The following SLC25A18 variants were observed in gnomAD, a reference collection of about 807,000 sequenced individuals.
SLC25A18 encodes the protein solute carrier family 25 member 18.
SLC25A18 carries 24 observed loss-of-function variants against 31.1 expected under a neutral mutation model. The ratio of observed to expected loss-of-function variants is 0.77; its 90% CI spans 0.56 to 1.08. The LOEUF (loss-of-function observed/expected upper bound fraction) is 1.08. Ranked by LOEUF, SLC25A18 falls within the 50% of genes least tolerant of loss-of-function variation. The pLI is 0.00. For synonymous variants in SLC25A18, 173 were observed against 161.9 expected (o/e 1.07, Z -0.52); for missense variants, 371 against 418.5 (o/e 0.89, Z 0.99).
Position 17,581,403 on chromosome 22 carries a change from C to T in SLC25A18, c.189C>T (p.Gly63=), listed in dbSNP as rs2057370117. 2.5e-6 allele frequency: 4 copies of T among 1,614,026 alleles called. No homozygotes were observed. The highest frequency in any genetic ancestry group is 3.4e-6 in the Non-Finnish European group (4 of 1,179,988). ...CGGCTCGGGCGGAGGGCTTCTTCGG[C>T]ATGTACCGAGGTGGGCTTCTCAGGT... is the stretch of plus-strand genomic sequence containing the variant. ...MKTARAEGFF[G]MYRGAAVNLT... is the part of the protein sequence containing the mutation. The change falls in exon 5 of 11, where the codon GGC becomes GGT. Residue 63 remains glycine, a synonymous_variant. Transcript: ENST00000327451.
chr22:17,573,203 C>T (rs769216180), intron 2 of SLC25A18, among the ~76,000 whole-genome samples: 15 of 152,152 alleles, frequency 9.9e-5, no homozygotes, highest in African/African-American at 3.6e-4. Context: ...AACAAAAAGT[C>T]ATGGATCATT....
chr22:17,565,903 G>C (rs1038718142), intron 1 of SLC25A18, among the ~76,000 whole-genome samples: 14 of 152,032 alleles, frequency 9.2e-5, no homozygotes, highest in African/African-American at 3.4e-4. Flanking sequence ...ATGTTTCCCA[G>C]GCTGGTCTCA....
chr22:17,584,781 CAAAAAA>C (rs66948770), intron 7 of SLC25A18, among the ~76,000 whole-genome samples: 2 of 20,058 alleles, frequency 1.0e-4, no homozygotes, highest in Admixed American at 6.6e-4. Flanking sequence ...GAATTCATCT[CAAAAAA>C]AAAAAAAAAA....
rs1205638244 is a variant in SLC25A18 at position 17,587,210 on chromosome 22, A to G, written c.484A>G (p.Arg162Gly). ...CACAACTGGTTCGGCTTCCACCCAC[A>G]GGCGCCCCTCTGCCACCCTCATTGC... The part of the protein sequence containing the change: ...SYTTGSASTH[R>G]RPSATLIAWE... Residue 162 changes from arginine (R) to glycine (G), a missense_variant, in exon 8 of 11, where the codon AGG becomes GGG. Physicochemically the swap from Arg to Gly is moderately radical, Grantham distance 125. Transcript: ENST00000327451. The G allele has an allele frequency of 3.1e-6, 5 of 1,613,876 alleles. No homozygotes were observed. Among genetic ancestry groups the G allele is most frequent in the Non-Finnish European group, 4.2e-6 (5 of 1,180,012 alleles).
In SLC25A18 at chr22:17,590,170, C is replaced by T. The variant is rs1569197470; in HGVS notation, c.882C>T (p.Leu294=). 1 of 1,614,238 alleles carries T rather than the reference C, an allele frequency of 6.2e-7. No individual in the cohort carries two copies. The highest frequency in any genetic ancestry group is 1.1e-5 in the South Asian group (1 of 91,078). Reference sequence around the variant, plus strand: ...GCCGGGCACTGGTCATAGCACCTCTCTTTGGGATTGCTCAAGGGGTCTATT... The same window carrying T: ...GCCGGGCACTGGTCATAGCACCTCTTTTTGGGATTGCTCAAGGGGTCTATT... The part of the protein sequence containing the change: ...AGCRALVIAP[L]FGIAQGVYFI... Residue 294 remains leucine (L), a synonymous_variant, in exon 11 of 11, where the codon CTC becomes CTT. Coordinates refer to ENST00000327451, the MANE Select transcript of SLC25A18 (RefSeq NM_031481.3).
intron 3 of SLC25A18, chr22:17,580,389 A>T (rs1000861491): frequency 2.8e-5 from 10 of 351,924 alleles, no homozygotes; most frequent in Non-Finnish European, 3.2e-5. Flanking sequence ...TTTGTTTTCT[A>T]TTTCCCGTCT....
Position 17,583,522 on chromosome 22 carries a change from G to C in SLC25A18, c.397G>C (p.Ala133Pro), listed in dbSNP as rs978839737. The C allele has an allele frequency of 6.2e-7, 1 of 1,613,764 alleles. No individual in the cohort carries two copies. ...MEMLKIQLQDAGRLAVHHQGS... is the reference protein window; with the variant it reads ...MEMLKIQLQDPGRLAVHHQGS... Reference sequence around the variant, plus strand: ...AATGCTCAAGATTCAGCTGCAGGATGCTGGACGCCTGGGTGAGGCCTGTCC... The same window carrying C: ...AATGCTCAAGATTCAGCTGCAGGATCCTGGACGCCTGGGTGAGGCCTGTCC... Residue 133 changes from alanine (A) to proline (P), a missense_variant, in exon 7 of 11, where the codon GCT (alanine) becomes CCT (proline). By Grantham distance (27) the Ala-to-Pro change is conservative. Transcript: ENST00000327451.
At chr22:17,589,541 C>T (rs962227187) in intron 9 of SLC25A18, 49 bp from the exon 10 acceptor site, 5 of 1,554,354 alleles carry the variant, frequency 3.2e-6, no homozygotes, top group Admixed American at 1.7e-5. Context: ...GAGGGGAGGA[C>T]ACCGAAAGTA....
intron 8 of SLC25A18, 181 bp from the exon 9 acceptor site, chr22:17,587,744 G>A: frequency 2.9e-6 from 2 of 686,832 alleles, no homozygotes; most frequent in South Asian, 1.9e-5. Context: ...GGAACAGATG[G>A]CAACAGCTCT....
At chr22:17,580,299 C>T (rs1041019563) in intron 3 of SLC25A18, 3 of 267,480 alleles carry the variant, frequency 1.1e-5, no homozygotes, top group Non-Finnish European at 2.0e-5. Flanking sequence ...GTAAATCCAT[C>T]TCCAAATATT....
At chr22:17,572,665 G>A (rs1219180182) in intron 2 of SLC25A18, among the ~76,000 whole-genome samples, 7 of 116,420 alleles carry the variant, frequency 6.0e-5, no homozygotes, top group East Asian at 2.5e-4. Flanking sequence ...TTTTTGAGAC[G>A]GAGTCTCGCT....
Position 17,584,423 on chromosome 22 carries a change from G to GAAAGAAAGAAAGAAAGA in SLC25A18, c.409+891_409+892insAGAAAGAAAGAAAGAAA, listed in dbSNP as rs58573353. Among the ~76,000 whole-genome samples, 279 of 111,534 alleles carry GAAAGAAAGAAAGAAAGA rather than the reference G, an allele frequency of 2.5e-3. 2 individuals are homozygous for GAAAGAAAGAAAGAAAGA. Among genetic ancestry groups the GAAAGAAAGAAAGAAAGA allele is most frequent in the Non-Finnish European group, 3.4e-3 (172 of 51,108 alleles). 73.2% of individuals were successfully genotyped at this position (111,534 alleles called of 152,430 possible). A position where few individuals can be genotyped will look rare whatever the true frequency, so the allele number is the denominator to read the frequency against. On this transcript the variant is annotated intron_variant, in intron 7 of 10. Transcript: ENST00000327451. ...GAAAAGAAAGAAAGAAAGAAAGAAAGAAGGAAGGAAGGAAGGAAGGAAGGA... is the reference window on the plus strand; with the variant it reads ...GAAAAGAAAGAAAGAAAGAAAGAAAGAAAGAAAGAAAGAAAGAAAGGAAGGAAGGAAGGAAGGAAGGA...
At chr22:17,583,671 T>C in intron 7 of SLC25A18, 137 bp downstream of exon 7, 2 of 1,189,054 alleles carry the variant, frequency 1.7e-6, no homozygotes, top group Admixed American at 2.5e-5. Flanking sequence ...TGGCCAGGCA[T>C]GGTGGCTCAT....
At chr22:17,577,958 T>G (rs967486509) in intron 2 of SLC25A18, among the ~76,000 whole-genome samples, 6 of 150,432 alleles carry the variant, frequency 4.0e-5, no homozygotes, top group African/African-American at 1.5e-4. Context: ...ATTACAGGCA[T>G]GAGCCACTGC....
chr22:17,569,654 A>G lies in SLC25A18; in HGVS notation c.-263-270A>G, dbSNP rs186145334. On this transcript the variant is annotated intron_variant, in intron 1 of 10. Coordinates refer to ENST00000327451, the MANE Select transcript of SLC25A18 (RefSeq NM_031481.3). ...CTCACCCCCAAGCTGCCTTGTTAAA[A>G]TCTTTTCCCAGCCTGGACTTTTTGT... is the stretch of plus-strand genomic sequence containing the variant. The G allele has an allele frequency of 1.9e-4, 187 of 985,382 alleles. No homozygotes were observed. In the African/African-American group the frequency reaches 2.9e-3, roughly 15 times the overall value. 61.0% of individuals were successfully genotyped at this position (985,382 alleles called of 1,614,324 possible). A position where few individuals can be genotyped will look rare whatever the true frequency, so the allele number is the denominator to read the frequency against.
chr22:17,584,422 A>AGAAAGAAAGAAAGAAAGAAAG (rs201926051), intron 7 of SLC25A18, among the ~76,000 whole-genome samples: 2,145 of 133,938 alleles, frequency 0.016, 43 homozygotes, highest in Middle Eastern at 0.03. Flanking sequence ...AAAGAAAGAA[A>AGAAAGAAAGAAAGAAAGAAAG]GAAGGAAGGA....
At chr22:17,574,698 T>C (rs1055106923) in intron 2 of SLC25A18, among the ~76,000 whole-genome samples, 2 of 150,292 alleles carry the variant, frequency 1.3e-5, no homozygotes, top group African/African-American at 5.0e-5. Context: ...ATTTTTGTGT[T>C]TTTAGTAGAG....
At chr22:17,586,238 G>A (rs897574474) in intron 7 of SLC25A18, among the ~76,000 whole-genome samples, 1 of 152,206 alleles carries the variant, frequency 6.6e-6, no homozygotes, top group African/African-American at 2.4e-5. Flanking sequence ...ACCTAGGCTG[G>A]GTGCGGTGGC....
intron 2 of SLC25A18, among the ~76,000 whole-genome samples, chr22:17,573,989 G>A (rs1214829637): frequency 2.0e-5 from 3 of 152,204 alleles, no homozygotes; most frequent in Admixed American, 2.0e-4. Flanking sequence ...CGACACTTCG[G>A]GAGGTGGAGG....
Sources: allele counts gnomAD v4.1 joint callset (sites outside exome capture counted in the v4.1 genomes callset), GRCh38; gene constraint gnomAD v4.1.1; transcripts MANE v1.5; gene names NCBI Gene and HGNC (gene_info 2026-07-23, HGNC 2026-07-21).